Variants in DSCAM observed in about 807,000 individuals in gnomAD.
The protein encoded by DSCAM is cell adhesion molecule DSCAM.
DSCAM carries 47 observed loss-of-function variants against 217.7 expected under a neutral mutation model. The ratio of observed to expected loss-of-function variants is 0.22; its 90% CI spans 0.17 to 0.28. The LOEUF (loss-of-function observed/expected upper bound fraction) is 0.28, where lower values mean the gene tolerates loss of function less well. Among genes scored for constraint, DSCAM ranks in the 10% least tolerant of loss-of-function variants. DSCAM has a pLI of 1.00. For synonymous variants in DSCAM, 1,056 were observed against 1,015.3 expected (o/e 1.04, Z -0.76); for missense variants, 2,080 against 2,618.3 (o/e 0.79, Z 4.49).
At chr21:40,401,181 C>T (rs1206317182) in intron 3 of DSCAM, among the ~76,000 whole-genome samples, 1 of 152,110 alleles carries the variant, frequency 6.6e-6, no homozygotes, top group Non-Finnish European at 1.5e-5. Context: ...GTAACAGTAA[C>T]AGGAAAAGTA....
intron 11 of DSCAM, among the ~76,000 whole-genome samples, chr21:40,260,831 T>C (rs1601494063): frequency 1.3e-5 from 2 of 152,174 alleles, no homozygotes; most frequent in African/African-American, 4.8e-5. Flanking sequence ...CTTTTCAAGA[T>C]GAATGATATT....
At chr21:40,305,731 T>G (rs2074066343) in intron 9 of DSCAM, among the ~76,000 whole-genome samples, 2 of 152,210 alleles carry the variant, frequency 1.3e-5, no homozygotes, top group African/African-American at 4.8e-5. Context: ...TTCTCAGGTT[T>G]GTCAAAGATC....
At position 40,013,398 on chromosome 21, in the gene DSCAM, G is replaced by A; in HGVS notation, c.5687-12C>T. 3 of 1,518,962 alleles carry A rather than the reference G, an allele frequency of 2.0e-6. No individual in the cohort carries two copies. Among genetic ancestry groups the A allele is most frequent in the Non-Finnish European group, 2.6e-6 (3 of 1,132,866 alleles). The allele number at this position is 1,518,962 out of a possible 1,614,324, so 94.1% of individuals were successfully genotyped here. A position where few individuals can be genotyped will look rare whatever the true frequency, so the allele number is the denominator to read the frequency against. On this transcript the variant is annotated splice_polypyrimidine_tract_variant and intron_variant, in intron 32 of 32. Transcript: ENST00000400454. Reference sequence around the variant, plus strand: ...ATGTATGAGGTCACCTAGAAGGAAAGACAGGGTAGTTAGTTGGTGTCTTCA... The same window carrying A: ...ATGTATGAGGTCACCTAGAAGGAAAAACAGGGTAGTTAGTTGGTGTCTTCA...
chr21:40,301,189 C>T (rs116898685), intron 9 of DSCAM, among the ~76,000 whole-genome samples: 2,243 of 152,296 alleles, frequency 0.015, 22 homozygotes, highest in Non-Finnish European at 0.024. Flanking sequence ...CACGAACTGT[C>T]CCACTTGAAT....
At chr21:40,805,834 G>A (rs1020740903) in intron 1 of DSCAM, among the ~76,000 whole-genome samples, 5 of 151,718 alleles carry the variant, frequency 3.3e-5, no homozygotes, top group African/African-American at 7.3e-5. Context: ...TCAGCCTCCC[G>A]AATAGCTGGG....
chr21:40,111,439 C>G (rs1233948960), intron 20 of DSCAM, among the ~76,000 whole-genome samples: 3 of 151,988 alleles, frequency 2.0e-5, no homozygotes, highest in Non-Finnish European at 1.5e-5. Flanking sequence ...AAGGAACAAC[C>G]AGTACCAGTC....
At chr21:40,674,682 G>C (rs930627934) in intron 3 of DSCAM, among the ~76,000 whole-genome samples, 21 of 143,330 alleles carry the variant, frequency 1.5e-4, no homozygotes, top group Non-Finnish European at 2.1e-4. Flanking sequence ...TCCCAGGCTG[G>C]AGTGCAGTGG....
chr21:40,030,506 CAGAGAGCTGAGCAAAG>C (rs2088500734), intron 32 of DSCAM, among the ~76,000 whole-genome samples: 1 of 152,032 alleles, frequency 6.6e-6, no homozygotes, highest in African/African-American at 2.4e-5. Flanking sequence ...TCTGGTGGTC[CAGAGAGCTGAGCAAAG>C]ATAAAGGCCA....
intron 3 of DSCAM, among the ~76,000 whole-genome samples, chr21:40,425,887 G>A (rs2075470348): frequency 1.3e-5 from 2 of 151,986 alleles, no homozygotes; most frequent in South Asian, 4.2e-4. Flanking sequence ...TTATATATGT[G>A]AACATGAATA....
At chr21:40,577,470 C>T (rs2076862012) in intron 3 of DSCAM, among the ~76,000 whole-genome samples, 1 of 152,146 alleles carries the variant, frequency 6.6e-6, no homozygotes, top group African/African-American at 2.4e-5. Flanking sequence ...CCCTCCGAGC[C>T]GGCTGTCCTT....
chr21:40,119,216 C>A (rs757232145), intron 20 of DSCAM, among the ~76,000 whole-genome samples: 14 of 152,142 alleles, frequency 9.2e-5, no homozygotes, highest in Non-Finnish European at 1.9e-4. Flanking sequence ...GATTCAGAAC[C>A]TGGCTCAGAG....
At chr21:40,602,336 T>C (rs2077068730) in intron 3 of DSCAM, among the ~76,000 whole-genome samples, 1 of 152,158 alleles carries the variant, frequency 6.6e-6, no homozygotes, top group African/African-American at 2.4e-5. Flanking sequence ...GCTGAGATCA[T>C]AGTCATGAGA....
chr21:40,757,624 A>G (rs2091289210), intron 1 of DSCAM, among the ~76,000 whole-genome samples: 1 of 152,226 alleles, frequency 6.6e-6, no homozygotes, highest in African/African-American at 2.4e-5. Context: ...CTAGTCCACC[A>G]GAGGGTAAAG....
chr21:40,800,332 C>G (rs779061494), intron 1 of DSCAM, among the ~76,000 whole-genome samples: 1 of 152,102 alleles, frequency 6.6e-6, no homozygotes, highest in African/African-American at 2.4e-5. Context: ...TAGTGAACAC[C>G]TGAAAATGTG....
intron 3 of DSCAM, among the ~76,000 whole-genome samples, chr21:40,677,923 C>T (rs1339004291): frequency 6.6e-6 from 1 of 152,130 alleles, no homozygotes; most frequent in Admixed American, 6.6e-5. Context: ...CGTTTATAAG[C>T]CACCCAATGC....
chr21:40,705,603 C>T (rs1568994125), intron 2 of DSCAM, among the ~76,000 whole-genome samples: 1 of 152,138 alleles, frequency 6.6e-6, no homozygotes, highest in Non-Finnish European at 1.5e-5. Flanking sequence ...ATGCAAGCAA[C>T]GGAAGTGCCA....
At chr21:40,474,105 C>T (rs142760678) in intron 3 of DSCAM, among the ~76,000 whole-genome samples, 58 of 152,202 alleles carry the variant, frequency 3.8e-4, no homozygotes, top group Non-Finnish European at 6.3e-4. Context: ...CCAGCCTGGC[C>T]AACATGGTGA....
intron 3 of DSCAM, among the ~76,000 whole-genome samples, chr21:40,432,663 C>G (rs1361485934): frequency 6.6e-6 from 1 of 152,110 alleles, no homozygotes; most frequent in Admixed American, 6.6e-5. Context: ...AAATAGATGC[C>G]CCTTTTCATC....
chr21:40,329,100 A>G lies in DSCAM; in HGVS notation c.1783+9001T>C, dbSNP rs1027007585. 5.3e-5 allele frequency among the ~76,000 whole-genome samples: 8 copies of G among 152,258 alleles called. No homozygotes were observed. In the East Asian group the frequency reaches 1.5e-3, roughly 29 times the overall value. ...TATTATACTCACTATAGAAAATAGTATGGAGGTTCCTCAAAACATTAAAAA... is the reference window on the plus strand; with the variant it reads ...TATTATACTCACTATAGAAAATAGTGTGGAGGTTCCTCAAAACATTAAAAA... On this transcript the variant is annotated intron_variant, in intron 8 of 32. Transcript: ENST00000400454.
Sources: gnomAD v4.1 joint callset for allele counts (sites outside exome capture counted in the v4.1 genomes callset) on GRCh38, gnomAD v4.1.1 for gene constraint, MANE v1.5 for transcripts, NCBI Gene and HGNC (gene_info 2026-07-23, HGNC 2026-07-21) for gene names.